BARX2: variants seen among roughly 807,000 people sequenced by gnomAD.
The protein encoded by BARX2 is BARX homeobox 2.
BARX2 carries 11 observed loss-of-function variants against 25.5 expected under a neutral mutation model. That is an observed-to-expected ratio of 0.43 (90% CI 0.27 to 0.71). The LOEUF is 0.71. Among genes scored for constraint, BARX2 ranks in the 30% least tolerant of loss-of-function variants. The pLI is 0.19. For missense variants in BARX2, 360 were observed against 359.9 expected (o/e 1.00, Z 0.00); for synonymous variants, 137 against 149.5 (o/e 0.92, Z 0.61).
chr11:129,441,888 A>G (rs1317132321), intron 2 of BARX2, among the ~76,000 whole-genome samples: 1 of 152,210 alleles, frequency 6.6e-6, no homozygotes, highest in Non-Finnish European at 1.5e-5. Flanking sequence ...TGCGTTGTGA[A>G]TGGGATAGAT....
chr11:129,426,590 T>C (rs1862066479), intron 1 of BARX2, among the ~76,000 whole-genome samples: 1 of 152,142 alleles, frequency 6.6e-6, no homozygotes, highest in Admixed American at 6.5e-5. Flanking sequence ...TTGGCCAGGC[T>C]GGTCTTGAAC....
chr11:129,420,839 A>G (rs987990845), intron 1 of BARX2, among the ~76,000 whole-genome samples: 2 of 152,228 alleles, frequency 1.3e-5, no homozygotes, highest in African/African-American at 2.4e-5. Context: ...AAAGGCAAAA[A>G]CTTTAAATGT....
At chr11:129,443,039 A>C in intron 3 of BARX2, 120 bp downstream of exon 3, 1 of 830,866 alleles carries the variant, frequency 1.2e-6, no homozygotes, top group Non-Finnish European at 2.0e-6. Context: ...AAGGCCTTCT[A>C]TGCTGCTGGC....
At chr11:129,400,666 T>A (rs1017358647) in intron 1 of BARX2, among the ~76,000 whole-genome samples, 3 of 152,148 alleles carry the variant, frequency 2.0e-5, no homozygotes, top group Non-Finnish European at 4.4e-5. Flanking sequence ...AATAACATAA[T>A]TGGATTTGGG....
At chr11:129,388,724 T>C (rs1861639435) in intron 1 of BARX2, among the ~76,000 whole-genome samples, 1 of 152,210 alleles carries the variant, frequency 6.6e-6, no homozygotes, top group Non-Finnish European at 1.5e-5. Flanking sequence ...AAAACCTTTC[T>C]GTATGATTGC....
chr11:129,426,054 C>G (rs1318864911), intron 1 of BARX2, among the ~76,000 whole-genome samples: 2 of 145,966 alleles, frequency 1.4e-5, no homozygotes, highest in Non-Finnish European at 3.0e-5. Context: ...GACATTTTGT[C>G]AGCCTTTGAG....
chr11:129,407,622 T>C (rs1861844945), intron 1 of BARX2, among the ~76,000 whole-genome samples: 1 of 152,198 alleles, frequency 6.6e-6, no homozygotes, highest in Admixed American at 6.5e-5. Context: ...TAGTGGATAA[T>C]ACAGTTCAGT....
intron 1 of BARX2, among the ~76,000 whole-genome samples, chr11:129,430,469 T>A (rs922997586): frequency 6.6e-6 from 1 of 152,228 alleles, no homozygotes; most frequent in African/African-American, 2.4e-5. Context: ...TTATGTAGTT[T>A]TGAATTGTTT....
chr11:129,431,238 G>A (rs1948018067), intron 1 of BARX2, among the ~76,000 whole-genome samples: 1 of 152,142 alleles, frequency 6.6e-6, no homozygotes, highest in Non-Finnish European at 1.5e-5. Context: ...TCTAGTTTTT[G>A]ATAATTACTA....
At chr11:129,450,805 T>G (rs139809715) in intron 3 of BARX2, among the ~76,000 whole-genome samples, 3,167 of 152,336 alleles carry the variant, frequency 0.021, 44 homozygotes, top group Non-Finnish European at 0.03. Flanking sequence ...AATATTATTG[T>G]TGTCTTTTTA....
intron 1 of BARX2, among the ~76,000 whole-genome samples, chr11:129,386,403 T>C (rs1006181568): frequency 4.6e-5 from 7 of 152,234 alleles, no homozygotes; most frequent in African/African-American, 1.7e-4. Context: ...AATCTAAAAA[T>C]GTTAACGTGT....
intron 1 of BARX2, among the ~76,000 whole-genome samples, chr11:129,399,979 G>A (rs111790298): frequency 1.3e-5 from 2 of 152,206 alleles, no homozygotes; most frequent in African/African-American, 4.8e-5. Flanking sequence ...CCCTGCCTCT[G>A]GCCTCGAGTC....
chr11:129,379,655 C>T (rs1447201448), intron 1 of BARX2, among the ~76,000 whole-genome samples: 3 of 152,024 alleles, frequency 2.0e-5, no homozygotes, highest in Non-Finnish European at 4.4e-5. Flanking sequence ...TCTTTAGAAT[C>T]AGGCAGTTTC....
chr11:129,409,892 AC>A (rs1861869266), intron 1 of BARX2, among the ~76,000 whole-genome samples: 1 of 152,064 alleles, frequency 6.6e-6, no homozygotes, highest in Admixed American at 6.5e-5. Flanking sequence ...TGGAATTTCT[AC>A]CAATTGGATA....
intron 1 of BARX2, among the ~76,000 whole-genome samples, chr11:129,396,864 C>A (rs1026763266): frequency 6.6e-6 from 1 of 152,136 alleles, no homozygotes; most frequent in Non-Finnish European, 1.5e-5. Flanking sequence ...GGTGGAGTTA[C>A]CAGCTCATGG....
intron 1 of BARX2, among the ~76,000 whole-genome samples, chr11:129,402,950 G>A (rs1489713781): frequency 1.3e-5 from 2 of 152,234 alleles, no homozygotes; most frequent in Non-Finnish European, 2.9e-5. Context: ...GAGCCAAACA[G>A]CACACAGTGA....
At chr11:129,400,401 A>G (rs1047758436) in intron 1 of BARX2, among the ~76,000 whole-genome samples, 2 of 152,136 alleles carry the variant, frequency 1.3e-5, no homozygotes, top group Admixed American at 1.3e-4. Context: ...GAGAAAACCT[A>G]AGCTGAATCT....
At chr11:129,383,122 T>C (rs1861585177) in intron 1 of BARX2, among the ~76,000 whole-genome samples, 1 of 151,998 alleles carries the variant, frequency 6.6e-6, no homozygotes. Context: ...GGAAGAGAGG[T>C]GTTTTGTTTG....
At chr11:129,402,608 C>T (rs1034740166) in intron 1 of BARX2, among the ~76,000 whole-genome samples, 4 of 152,142 alleles carry the variant, frequency 2.6e-5, no homozygotes, top group African/African-American at 9.7e-5. Flanking sequence ...CATGAAAATG[C>T]TGTTAATGAA....
Sources: gnomAD v4.1 joint callset for allele counts (sites outside exome capture counted in the v4.1 genomes callset) on GRCh38, gnomAD v4.1.1 for gene constraint, MANE v1.5 for transcripts, NCBI Gene and HGNC (gene_info 2026-07-23, HGNC 2026-07-21) for gene names.